Variants in REDIC1 observed in about 807,000 individuals in gnomAD.
REDIC1 encodes the protein regulator of DNA class I crossover intermediates 1.
At chr12:39,859,720 T>C in the REDIC1 span, among the ~76,000 whole-genome samples, 1 of 151,950 alleles carries the variant, frequency 6.6e-6, no homozygotes, top group Non-Finnish European at 1.5e-5. Context: ...AGAGCTGGGG[T>C]TTCACCATGT....
the REDIC1 span, among the ~76,000 whole-genome samples, chr12:39,760,480 C>T: frequency 5.1e-3 from 778 of 151,994 alleles, 5 homozygotes; most frequent in African/African-American, 0.017. Context: ...AATAATAGAA[C>T]AGGCTCAGAT....
the REDIC1 span, among the ~76,000 whole-genome samples, chr12:39,875,988 A>G: frequency 6.6e-6 from 1 of 152,242 alleles, no homozygotes; most frequent in Non-Finnish European, 1.5e-5. Flanking sequence ...TGAACAACTG[A>G]AAAAGGCTTT....
chr12:39,727,615 G>C, the REDIC1 span, among the ~76,000 whole-genome samples: 4 of 141,576 alleles, frequency 2.8e-5, no homozygotes, highest in Admixed American at 2.1e-4. Flanking sequence ...GCTCTTTTTT[G>C]GTTCCATATG....
At chr12:39,844,400 C>T in the REDIC1 span, among the ~76,000 whole-genome samples, 71 of 152,044 alleles carry the variant, frequency 4.7e-4, no homozygotes, top group African/African-American at 1.6e-3. Context: ...TAAAATGTAA[C>T]GATAAAGTTC....
the REDIC1 span, among the ~76,000 whole-genome samples, chr12:39,843,936 TC>T: frequency 5.9e-5 from 9 of 151,886 alleles, no homozygotes; most frequent in African/African-American, 1.9e-4. Context: ...TATGCTTTTT[TC>T]CCCCCAAAGC....
the REDIC1 span, among the ~76,000 whole-genome samples, chr12:39,906,659 G>A: frequency 6.6e-6 from 1 of 152,088 alleles, no homozygotes. Flanking sequence ...GGATGAGGAT[G>A]GGGTGGAGGC....
chr12:39,728,783 T>TA, the REDIC1 span, among the ~76,000 whole-genome samples: 3 of 146,934 alleles, frequency 2.0e-5, no homozygotes, highest in African/African-American at 7.5e-5. Flanking sequence ...TCCTGGGCTT[T>TA]TTTTTTTTTT....
the REDIC1 span, among the ~76,000 whole-genome samples, chr12:39,744,260 G>A: frequency 1.3e-5 from 2 of 152,148 alleles, no homozygotes; most frequent in African/African-American, 4.8e-5. Context: ...GTGAAATAAA[G>A]GACTTTTTCA....
At chr12:39,901,599 C>T in the REDIC1 span, among the ~76,000 whole-genome samples, 2 of 123,594 alleles carry the variant, frequency 1.6e-5, no homozygotes, top group African/African-American at 6.1e-5. Flanking sequence ...AAATGCTCAT[C>T]ATCACTGGCC....
the REDIC1 span, among the ~76,000 whole-genome samples, chr12:39,652,079 G>A: frequency 6.6e-6 from 1 of 152,024 alleles, no homozygotes; most frequent in African/African-American, 2.4e-5. Flanking sequence ...CGTATCTATA[G>A]TTCATTCCTT....
At chr12:39,647,662 G>A in the REDIC1 span, 1 of 590,210 alleles carries the variant, frequency 1.7e-6, no homozygotes, top group Admixed American at 4.1e-5. Flanking sequence ...CTGATGGGTT[G>A]CCTTGCCTTA....
At chr12:39,866,331 T>TACA in the REDIC1 span, among the ~76,000 whole-genome samples, 1 of 152,162 alleles carries the variant, frequency 6.6e-6, no homozygotes, top group Non-Finnish European at 1.5e-5. Flanking sequence ...TGACTGTAGT[T>TACA]TTTAGCTAGC....
chr12:39,891,238 C>T, the REDIC1 span, among the ~76,000 whole-genome samples: 1 of 151,114 alleles, frequency 6.6e-6, no homozygotes, highest in East Asian at 1.9e-4. Flanking sequence ...CTGAGCTCTG[C>T]CTCTGCCCTG....
the REDIC1 span, among the ~76,000 whole-genome samples, chr12:39,799,569 C>CA: frequency 6.6e-5 from 10 of 151,612 alleles, no homozygotes; most frequent in South Asian, 6.3e-4. Flanking sequence ...GAAGATAGCC[C>CA]AAAAAAACAA....
the REDIC1 span, among the ~76,000 whole-genome samples, chr12:39,766,581 A>T: frequency 6.6e-6 from 1 of 151,912 alleles, no homozygotes; most frequent in Non-Finnish European, 1.5e-5. Context: ...AAATTGACTG[A>T]CTTTTCCCTT....
chr12:39,861,725 C>T, the REDIC1 span, among the ~76,000 whole-genome samples: 1 of 152,188 alleles, frequency 6.6e-6, no homozygotes, highest in Non-Finnish European at 1.5e-5. Context: ...AGATGATACT[C>T]ATGCTAGCGT....
At chr12:39,744,499 T>C in the REDIC1 span, among the ~76,000 whole-genome samples, 5 of 152,124 alleles carry the variant, frequency 3.3e-5, no homozygotes, top group African/African-American at 1.2e-4. Flanking sequence ...TATTATAGCT[T>C]ATGTATAAGT....
the REDIC1 span, among the ~76,000 whole-genome samples, chr12:39,842,741 C>A: frequency 1.1e-4 from 17 of 152,022 alleles, no homozygotes; most frequent in African/African-American, 4.1e-4. Flanking sequence ...GGAACATTTT[C>A]ATTGCTCAAG....
chr12:39,732,679 C>T, the REDIC1 span, among the ~76,000 whole-genome samples: 2 of 152,176 alleles, frequency 1.3e-5, no homozygotes, highest in African/African-American at 4.8e-5. Flanking sequence ...AACCAGTAGG[C>T]TCTCTGTCAT....
Sources: allele counts gnomAD v4.1 joint callset (sites outside exome capture counted in the v4.1 genomes callset), GRCh38; gene constraint gnomAD v4.1.1; transcripts MANE v1.5; gene names NCBI Gene and HGNC (gene_info 2026-07-23, HGNC 2026-07-21).